The following SPTBN1 variants were observed in gnomAD, a reference collection of about 807,000 sequenced individuals.
SPTBN1 encodes spectrin beta chain, non-erythrocytic 1.
SPTBN1 carries 32 observed loss-of-function variants against 266.4 expected under a neutral mutation model. That is an observed-to-expected ratio of 0.12 (90% confidence interval 0.09 to 0.16). The LOEUF (loss-of-function observed/expected upper bound fraction) is 0.16. Among genes scored for constraint, SPTBN1 ranks in the 10% least tolerant of loss-of-function variants. The pLI is 1.00. For missense variants in SPTBN1, 2,296 were observed against 3,067.1 expected, an observed-to-expected ratio of 0.75 and a Z score of 5.94; for synonymous variants, 1,336 against 1,162.2, an observed-to-expected ratio of 1.15 and a Z score of -3.04.
intron 2 of SPTBN1, among the ~76,000 whole-genome samples, chr2:54,572,841 G>A (rs923042905): frequency 6.6e-6 from 1 of 152,178 alleles, no homozygotes; most frequent in African/African-American, 2.4e-5. Flanking sequence ...CTTTATCAGG[G>A]TAGTAAATTC....
At chr2:54,468,432 C>T (rs1693751941) in intron 1 of SPTBN1, among the ~76,000 whole-genome samples, 1 of 151,968 alleles carries the variant, frequency 6.6e-6, no homozygotes, top group Non-Finnish European at 1.5e-5. Flanking sequence ...CTTCATCTCA[C>T]ACATACATAT....
At chr2:54,511,896 A>G (rs924822984) in intron 1 of SPTBN1, among the ~76,000 whole-genome samples, 1 of 152,116 alleles carries the variant, frequency 6.6e-6, no homozygotes, top group African/African-American at 2.4e-5. Context: ...TAATAATTCT[A>G]CAACTCACCA....
chr2:54,573,183 A>G (rs1462735567), intron 2 of SPTBN1, among the ~76,000 whole-genome samples: 1 of 152,154 alleles, frequency 6.6e-6, no homozygotes, highest in Non-Finnish European at 1.5e-5. Context: ...TGTTTCTGGA[A>G]GAGGAAAGTG....
Position 54,659,980 on chromosome 2 carries a change from C to A in SPTBN1, c.6401C>A (p.Ala2134Asp). ...CAAGTTTCCCAAAACGGTTTGCCAG[C>A]TGAACAGGGATCTCCACGGGTTAGT... ...GEQVSQNGLP[A>D]EQGSPRMAET... is the part of the protein sequence containing the mutation. Residue 2134 changes from alanine to aspartate, a missense_variant, in exon 32 of 36, where the codon GCT becomes GAT. By Grantham distance (126) the Ala-to-Asp change is moderately radical (BLOSUM62 -2). Transcript: ENST00000356805. The A allele has an allele frequency of 6.2e-7, 1 of 1,614,180 alleles. No individual in the cohort carries two copies. The highest frequency in any genetic ancestry group is 8.5e-7 in the Non-Finnish European group (1 of 1,180,038).
rs544729804 is a variant in SPTBN1 at position 54,627,868 on chromosome 2, C to T, written c.1645-229C>T. 2.8e-5 allele frequency among the ~76,000 whole-genome samples: 4 copies of T among 144,596 alleles called. No individual in the cohort carries two copies. In the South Asian group the frequency reaches 7.1e-4, roughly 26 times the overall value. The allele number at this position is 144,596 out of a possible 152,430, so 94.9% of individuals were successfully genotyped here. The stretch of plus-strand genomic sequence containing the variant: ...TAGTGTAGATTTGACTTACTTATTC[C>T]AAGTTTGGTGATCCTTAGTTTGTGA... On this transcript the variant is annotated intron_variant, in intron 12 of 35. Coordinates refer to ENST00000356805, the MANE Select transcript of SPTBN1 (RefSeq NM_003128.3).
chr2:54,502,998 A>G (rs549681645), intron 1 of SPTBN1, among the ~76,000 whole-genome samples: 103 of 152,284 alleles, frequency 6.8e-4, no homozygotes, highest in African/African-American at 2.1e-3. Flanking sequence ...GGAAAGGAGA[A>G]CTACCTGTGT....
intron 2 of SPTBN1, among the ~76,000 whole-genome samples, chr2:54,551,868 C>A (rs939124432): frequency 1.3e-5 from 2 of 152,054 alleles, no homozygotes; most frequent in Non-Finnish European, 2.9e-5. Flanking sequence ...ACTATCAAAT[C>A]TGACAGCCCC....
At chr2:54,612,950 A>T (rs1386401337) in intron 4 of SPTBN1, among the ~76,000 whole-genome samples, 1 of 152,204 alleles carries the variant, frequency 6.6e-6, no homozygotes, top group Non-Finnish European at 1.5e-5. Context: ...TTTAAGCCGG[A>T]AGGTACTCTC....
intron 2 of SPTBN1, chr2:54,527,255 C>T (rs183133842): frequency 6.6e-5 from 10 of 152,204 alleles, no homozygotes; most frequent in Admixed American, 3.9e-4. Context: ...GTATCAAAAC[C>T]GAGTTTTTTC....
intron 1 of SPTBN1, among the ~76,000 whole-genome samples, chr2:54,463,760 G>C (rs1351223727): frequency 1.3e-5 from 2 of 152,064 alleles, no homozygotes; most frequent in African/African-American, 4.8e-5. Context: ...GTATATTCTA[G>C]CAAATAACAA....
At chr2:54,517,973 A>G (rs56381959) in intron 1 of SPTBN1, among the ~76,000 whole-genome samples, 22,114 of 149,804 alleles carry the variant, frequency 0.15, 1,924 homozygotes, top group East Asian at 0.33. Context: ...AACAGTGGAT[A>G]TGTTTCTGTA....
At chr2:54,643,847 G>T (rs969720923) in intron 19 of SPTBN1, among the ~76,000 whole-genome samples, 36 of 152,288 alleles carry the variant, frequency 2.4e-4, no homozygotes, top group African/African-American at 8.2e-4. Context: ...GCCAGGCCTG[G>T]TGGTATGTGC....
At position 54,670,857 on chromosome 2, in the gene SPTBN1, G is replaced by A. The variant is rs1324880572; in HGVS notation, c.*2288G>A. 2.0e-5 allele frequency: 8 copies of A among 398,560 alleles called. No individual in the cohort carries two copies. Among genetic ancestry groups the A allele is most frequent in the South Asian group, 1.3e-4 (1 of 7,852 alleles). The allele number at this position is 398,560 out of a possible 1,614,324, so 24.7% of individuals were successfully genotyped here. A position where few individuals can be genotyped will look rare whatever the true frequency, so the allele number is the denominator to read the frequency against. On this transcript the variant is annotated 3_prime_UTR_variant, in exon 36 of 36. Transcript: ENST00000356805. ...GAAGATGATGGGCAGCGAGAGGAGC[G>A]TCAGAAGACCCCAGTCAAGACGTGT...
At chr2:54,611,474 C>CTA (rs949819201) in intron 3 of SPTBN1, among the ~76,000 whole-genome samples, 2 of 151,424 alleles carry the variant, frequency 1.3e-5, no homozygotes, top group South Asian at 2.1e-4. Flanking sequence ...TACTCTCTCT[C>CTA]TATATATATA....
At chr2:54,563,417 T>C (rs1051002598) in intron 2 of SPTBN1, among the ~76,000 whole-genome samples, 2 of 152,112 alleles carry the variant, frequency 1.3e-5, no homozygotes, top group Non-Finnish European at 2.9e-5. Context: ...AGGTATGAAG[T>C]GCTCTGTCTT....
At position 54,511,735 on chromosome 2, in the gene SPTBN1, C is replaced by T. The variant is rs183586535; in HGVS notation, c.-47-14637C>T. 3.3e-3 allele frequency among the ~76,000 whole-genome samples: 500 copies of T among 151,812 alleles called. 1 individual carries two copies. Among genetic ancestry groups the T allele is most frequent in the Middle Eastern group, 0.01 (3 of 294 alleles). Reference sequence around the variant, plus strand: ...AAAAATTAGCCAGGTGTGGTGGTGGCGCATGTCTGCAATCCCAGCTAGGGA... The same window carrying T: ...AAAAATTAGCCAGGTGTGGTGGTGGTGCATGTCTGCAATCCCAGCTAGGGA... On this transcript the variant is annotated intron_variant, in intron 1 of 35. Coordinates refer to ENST00000356805, the MANE Select transcript of SPTBN1 (RefSeq NM_003128.3).
Position 54,621,487 on chromosome 2 carries a change from C to T in SPTBN1, c.851C>T (p.Ala284Val). ...TACTTCTCTAAGATGAAGGCCTTAG[C>T]TGTTGAAGGAAAACGAATTGGAAAG... Reference protein sequence around the residue: ...YHYFSKMKALAVEGKRIGKVL... With the variant: ...YHYFSKMKALVVEGKRIGKVL... Residue 284 changes from alanine to valine, a missense_variant, in exon 8 of 36, where the codon GCT becomes GTT. Around this residue, in one of 12 missense-constraint regions of SPTBN1, gnomAD observed 178 missense variants for 375.7 expected, o/e 0.47. Transcript: ENST00000356805. 1 of 1,614,096 alleles carries T rather than the reference C, an allele frequency of 6.2e-7. No homozygotes were observed. The highest frequency in any genetic ancestry group is 8.5e-7 in the Non-Finnish European group (1 of 1,179,968).
intron 2 of SPTBN1, chr2:54,546,629 A>C (rs1672253147): frequency 6.6e-6 from 1 of 152,228 alleles, no homozygotes; most frequent in Admixed American, 6.5e-5. Context: ...CTCTAATGAC[A>C]ACTCTGTGGG....
chr2:54,572,509 G>A (rs1674160400), intron 2 of SPTBN1, among the ~76,000 whole-genome samples: 1 of 152,148 alleles, frequency 6.6e-6, no homozygotes, highest in Non-Finnish European at 1.5e-5. Context: ...GCAAATAGAG[G>A]CTGGGCTTCA....
Sources: allele counts gnomAD v4.1 joint callset (sites outside exome capture counted in the v4.1 genomes callset), GRCh38; gene constraint gnomAD v4.1.1; regional missense constraint gnomAD v4.1.1; transcripts MANE v1.5; gene names NCBI Gene and HGNC (gene_info 2026-07-23, HGNC 2026-07-21).